Variants in CSMD1 observed in about 807,000 individuals in gnomAD.
CSMD1 encodes the protein CUB and sushi domain-containing protein 1.
Under a neutral mutation model 417.5 loss-of-function variants are expected in CSMD1, and 213 were observed. The ratio of observed to expected loss-of-function variants is 0.51; its 90% CI spans 0.46 to 0.57. The LOEUF (loss-of-function observed/expected upper bound fraction) is 0.57, where lower values mean the gene tolerates loss of function less well. Ranked by LOEUF, CSMD1 falls within the 20% of genes least tolerant of loss-of-function variation. The probability of loss-of-function intolerance (pLI) is 0.00; values close to 1 mark genes in which losing one functional copy is unlikely to be tolerated. For missense variants in CSMD1, 6,923 were observed against 4,529.7 expected, an observed-to-expected ratio of 1.53 and a Z score of -15.17; for synonymous variants, 2,862 against 1,736.8, an observed-to-expected ratio of 1.65 and a Z score of -16.11.
In CSMD1 at chr8:3,888,795, C is replaced by T. The variant is rs568872607; in HGVS notation, c.818+109108G>A. ...CTTCCATTTGGGTCCTTCCAAATAG[C>T]CCTTCTAAAATGAGCTAAGAAAGGT... On this transcript the variant is annotated intron_variant, in intron 5 of 69. Coordinates refer to ENST00000635120, the MANE Select transcript of CSMD1 (RefSeq NM_033225.6). Among the ~76,000 whole-genome samples, 6 of 152,198 alleles carry T rather than the reference C, an allele frequency of 3.9e-5. No homozygotes were observed. In the East Asian group the frequency reaches 1.2e-3, roughly 29 times the overall value.
At chr8:3,895,979 C>G (rs929779845) in intron 5 of CSMD1, among the ~76,000 whole-genome samples, 3 of 152,156 alleles carry the variant, frequency 2.0e-5, no homozygotes, top group African/African-American at 7.2e-5. Flanking sequence ...GTTAACCTCC[C>G]CTATTACTGT....
intron 3 of CSMD1, among the ~76,000 whole-genome samples, chr8:4,390,539 A>C (rs7815803): frequency 0.79 from 118,459 of 149,040 alleles, 47,480 homozygotes; most frequent in African/African-American, 0.91. Flanking sequence ...TTTGAGATGG[A>C]GTCTTGCTCT....
At chr8:3,714,215 A>G (rs1801694782) in intron 6 of CSMD1, among the ~76,000 whole-genome samples, 1 of 150,892 alleles carries the variant, frequency 6.6e-6, no homozygotes, top group African/African-American at 2.4e-5. Flanking sequence ...ATATAAATGA[A>G]TCTATTAAGC....
intron 52 of CSMD1, among the ~76,000 whole-genome samples, chr8:3,014,447 G>A (rs977525559): frequency 1.3e-5 from 2 of 152,106 alleles, no homozygotes; most frequent in African/African-American, 4.8e-5. Context: ...CACTGGATAT[G>A]AGTTTCACTC....
At chr8:4,389,870 G>A (rs191194057) in intron 3 of CSMD1, among the ~76,000 whole-genome samples, 4 of 152,018 alleles carry the variant, frequency 2.6e-5, no homozygotes, top group African/African-American at 7.2e-5. Context: ...TATATCTCCC[G>A]CCCTACTAAC....
At chr8:3,306,621 C>T (rs6987564) in intron 25 of CSMD1, among the ~76,000 whole-genome samples, 50,713 of 151,984 alleles carry the variant, frequency 0.33, 9,354 homozygotes, top group Non-Finnish European at 0.42. Flanking sequence ...CAGAGTTTCT[C>T]AAAAGCAAAT....
At chr8:4,000,599 A>G (rs962422482) in intron 4 of CSMD1, among the ~76,000 whole-genome samples, 7 of 152,162 alleles carry the variant, frequency 4.6e-5, no homozygotes, top group African/African-American at 1.7e-4. Flanking sequence ...CGCAAATATA[A>G]ATATCTCCTT....
chr8:4,383,669 A>G (rs934684033), intron 3 of CSMD1, among the ~76,000 whole-genome samples: 1 of 152,182 alleles, frequency 6.6e-6, no homozygotes, highest in Non-Finnish European at 1.5e-5. Context: ...TATTCCAAAG[A>G]AAGAAACCAA....
chr8:2,949,422 G>A (rs1439021340), intron 67 of CSMD1, 36 bp from the exon 68 acceptor site: 3 of 1,062,862 alleles, frequency 2.8e-6, no homozygotes, highest in Non-Finnish European at 4.1e-6. Context: ...GAAATAAAAA[G>A]GTATACGAAG....
chr8:4,893,269 C>T (rs6558933), intron 1 of CSMD1, among the ~76,000 whole-genome samples: 123,510 of 152,098 alleles, frequency 0.81, 50,594 homozygotes, highest in East Asian at 0.97. Flanking sequence ...ATGTTTCTAA[C>T]TGATGTTTTT....
chr8:3,627,947 T>G (rs1796576577), intron 7 of CSMD1, among the ~76,000 whole-genome samples: 1 of 152,176 alleles, frequency 6.6e-6, no homozygotes, highest in African/African-American at 2.4e-5. Context: ...AAAAGGAAAA[T>G]GAGAAGTACT....
intron 14 of CSMD1, among the ~76,000 whole-genome samples, chr8:3,407,199 G>T (rs1337947938): frequency 6.6e-6 from 1 of 151,556 alleles, no homozygotes; most frequent in African/African-American, 2.4e-5. Context: ...TGGATGAATG[G>T]ATGGATGGGT....
At chr8:3,449,733 G>A (rs914179961) in intron 12 of CSMD1, among the ~76,000 whole-genome samples, 1 of 152,060 alleles carries the variant, frequency 6.6e-6, no homozygotes, top group African/African-American at 2.4e-5. Flanking sequence ...GGTCAGGCCT[G>A]TCTCAAACTC....
At chr8:3,804,322 T>G (rs768878669) in intron 5 of CSMD1, among the ~76,000 whole-genome samples, 1 of 152,094 alleles carries the variant, frequency 6.6e-6, no homozygotes, top group Non-Finnish European at 1.5e-5. Context: ...TGAGACCAGT[T>G]GAAACTCTAA....
intron 1 of CSMD1, among the ~76,000 whole-genome samples, chr8:4,911,372 AG>A (rs1327740572): frequency 2.6e-5 from 4 of 152,204 alleles, no homozygotes; most frequent in African/African-American, 9.6e-5. Context: ...ACTGGGGAAA[AG>A]TCTGTTGGTC....
intron 5 of CSMD1, among the ~76,000 whole-genome samples, chr8:3,766,993 C>A (rs1273890935): frequency 1.3e-5 from 2 of 152,148 alleles, no homozygotes; most frequent in African/African-American, 4.8e-5. Flanking sequence ...GCGAAAAGAC[C>A]AGCAGCCCTC....
chr8:4,640,657 T>C (rs1803130825), intron 1 of CSMD1, among the ~76,000 whole-genome samples: 1 of 152,184 alleles, frequency 6.6e-6, no homozygotes, highest in African/African-American at 2.4e-5. Context: ...TGGATTATTT[T>C]AATTGAATAT....
intron 69 of CSMD1, among the ~76,000 whole-genome samples, chr8:2,939,248 T>C (rs571244198): frequency 1.6e-4 from 25 of 152,374 alleles, no homozygotes; most frequent in African/African-American, 5.8e-4. Flanking sequence ...TCTACTACTC[T>C]GTAAAACAGG....
intron 6 of CSMD1, among the ~76,000 whole-genome samples, chr8:3,712,424 G>T (rs1258118645): frequency 6.7e-6 from 1 of 148,410 alleles, no homozygotes; most frequent in Non-Finnish European, 1.5e-5. Flanking sequence ...CAGACAGACA[G>T]ACAGACAGAC....
Sources: gnomAD v4.1 joint callset for allele counts (sites outside exome capture counted in the v4.1 genomes callset) on GRCh38, gnomAD v4.1.1 for gene constraint, MANE v1.5 for transcripts, NCBI Gene and HGNC (gene_info 2026-07-23, HGNC 2026-07-21) for gene names.